The following MBNL1 variants were observed in gnomAD, a reference collection of about 807,000 sequenced individuals.
MBNL1 encodes the protein muscleblind-like protein 1.
A neutral mutation model predicts 42.2 loss-of-function variants in MBNL1; 8 were observed. That is an observed-to-expected ratio of 0.19 (90% confidence interval 0.11 to 0.34). The LOEUF is 0.34. MBNL1 is among the 10% of genes least tolerant of loss of function. The pLI, the probability that MBNL1 is intolerant of heterozygous loss-of-function variation, is 1.00. For missense variants in MBNL1, 309 were observed against 495.3 expected, an observed-to-expected ratio of 0.62 and a Z score of 3.57; for synonymous variants, 169 against 173.9, an observed-to-expected ratio of 0.97 and a Z score of 0.22.
At chr3:152,443,174 G>A (rs2099166015) in intron 4 of MBNL1, among the ~76,000 whole-genome samples, 1 of 44,290 alleles carries the variant, frequency 2.3e-5, no homozygotes, top group Non-Finnish European at 4.4e-5. Flanking sequence ...TCCTTAACCT[G>A]TAGAAACCCC....
rs114003136 is a variant in MBNL1 at position 152,253,836 on chromosome 3, T to C, written n.333+9396T>C. On this transcript the variant is annotated intron_variant and non_coding_transcript_variant, in intron 2 of 2. Coordinates refer to the MBNL1 transcript ENST00000477171. ...TTCCCGTGGTCCACTACATATTTAATTGTAGTATTCCCAACCCCATCACTC... is the reference window on the plus strand; with the variant it reads ...TTCCCGTGGTCCACTACATATTTAACTGTAGTATTCCCAACCCCATCACTC... Among the ~76,000 whole-genome samples, 974 of 152,260 alleles carry C rather than the reference T, an allele frequency of 6.4e-3. 8 individuals are homozygous for C. The highest frequency in any genetic ancestry group is 0.023 in the African/African-American group (944 of 41,546).
intron 2 of MBNL1, among the ~76,000 whole-genome samples, chr3:152,318,663 A>C (rs1399573801): frequency 6.6e-6 from 1 of 152,198 alleles, no homozygotes; most frequent in African/African-American, 2.4e-5. Flanking sequence ...GTTCACCCAG[A>C]GACATAGTGC....
intron 2 of MBNL1, among the ~76,000 whole-genome samples, chr3:152,389,218 A>G (rs530787280): frequency 6.6e-6 from 1 of 152,204 alleles, no homozygotes; most frequent in African/African-American, 2.4e-5. Flanking sequence ...CCTCCAGAGT[A>G]GCTGGGACTA....
intron 2 of MBNL1, among the ~76,000 whole-genome samples, chr3:152,306,653 T>C (rs1022121118): frequency 1.3e-5 from 2 of 152,198 alleles, no homozygotes; most frequent in African/African-American, 4.8e-5. Flanking sequence ...TAAAAAACTG[T>C]TGCCTTGATT....
At chr3:152,290,571 G>A (rs2055334414) in intron 1 of MBNL1, among the ~76,000 whole-genome samples, 2 of 151,964 alleles carry the variant, frequency 1.3e-5, no homozygotes, top group Non-Finnish European at 2.9e-5. Context: ...TTTGTGTTGT[G>A]CAATAATGTC....
At chr3:152,426,200 G>C (rs539791741) in intron 3 of MBNL1, among the ~76,000 whole-genome samples, 1 of 148,436 alleles carries the variant, frequency 6.7e-6, no homozygotes, top group South Asian at 2.1e-4. Flanking sequence ...CCTCCTGGGG[G>C]TTGTGGGGCA....
chr3:152,382,042 C>G (rs2097198777), intron 2 of MBNL1, among the ~76,000 whole-genome samples: 2 of 151,940 alleles, frequency 1.3e-5, no homozygotes, highest in African/African-American at 4.8e-5. Context: ...ACTAAGTAGG[C>G]GTAACATACT....
intron 1 of MBNL1, among the ~76,000 whole-genome samples, chr3:152,277,219 T>A (rs1466857073): frequency 6.6e-6 from 1 of 152,180 alleles, no homozygotes. Flanking sequence ...TGGATGGTGA[T>A]CTAAAGGTCA....
chr3:152,317,711 T>C (rs1035133364), intron 2 of MBNL1, among the ~76,000 whole-genome samples: 6 of 152,204 alleles, frequency 3.9e-5, no homozygotes, highest in Admixed American at 2.6e-4. Flanking sequence ...TAACTGATTC[T>C]TATTTATAAA....
intron 2 of MBNL1, among the ~76,000 whole-genome samples, chr3:152,349,507 T>C (rs973042329): frequency 6.6e-6 from 1 of 152,160 alleles, no homozygotes; most frequent in Non-Finnish European, 1.5e-5. Context: ...GAAATGCTAG[T>C]GTATAATTTT....
intron 2 of MBNL1, chr3:152,337,949 GC>G (rs1451154772): frequency 4.0e-6 from 1 of 251,244 alleles, no homozygotes; most frequent in Admixed American, 6.6e-5. Context: ...CAATAATGTT[GC>G]CTTTTAATTT....
chr3:152,284,064 C>T (rs902817849), intron 1 of MBNL1, among the ~76,000 whole-genome samples: 39 of 152,034 alleles, frequency 2.6e-4, no homozygotes, highest in African/African-American at 9.4e-4. Context: ...AGTATTCTCG[C>T]TATATCTAGG....
rs1055574911 is a variant in MBNL1 at position 152,332,059 on chromosome 3, C to T, written c.174+31692C>T. Among the ~76,000 whole-genome samples the T allele has an allele frequency of 2.0e-5, 3 of 152,092 alleles. No homozygotes were observed. The East Asian group carries it at 5.8e-4, about 29-fold the overall frequency. ...ACTTTAATGCAGCTGATTGCATTGCCATTGACATCAGTGAGAAATAAAAAC... is the reference window on the plus strand; with the variant it reads ...ACTTTAATGCAGCTGATTGCATTGCTATTGACATCAGTGAGAAATAAAAAC... On this transcript the variant is annotated intron_variant, in intron 2 of 9. Coordinates refer to ENST00000324210, the MANE Select transcript of MBNL1 (RefSeq NM_021038.5).
intron 2 of MBNL1, among the ~76,000 whole-genome samples, chr3:152,327,556 C>T (rs1244343529): frequency 1.3e-5 from 2 of 152,048 alleles, no homozygotes; most frequent in African/African-American, 4.8e-5. Context: ...CCCATGTTGG[C>T]CAGGCTGGTC....
intron 2 of MBNL1, among the ~76,000 whole-genome samples, chr3:152,258,388 C>T (rs1267754766): frequency 6.6e-6 from 1 of 152,186 alleles, no homozygotes; most frequent in African/African-American, 2.4e-5. Context: ...TGCCTAATAA[C>T]AGATTCTAAA....
At chr3:152,300,786 G>T (rs2060416590) in intron 2 of MBNL1, 1 of 210,852 alleles carries the variant, frequency 4.7e-6, no homozygotes, top group African/African-American at 2.4e-5. Flanking sequence ...AAGAGAAGCA[G>T]ATTTAAAATC....
chr3:152,374,145 A>G (rs1003138060), intron 2 of MBNL1, among the ~76,000 whole-genome samples: 7 of 152,254 alleles, frequency 4.6e-5, no homozygotes, highest in Non-Finnish European at 1.0e-4. Flanking sequence ...AAGAAATAGA[A>G]TAGGGAAATA....
At chr3:152,435,403 C>CT (rs975876437) in intron 4 of MBNL1, among the ~76,000 whole-genome samples, 1 of 152,070 alleles carries the variant, frequency 6.6e-6, no homozygotes, top group African/African-American at 2.4e-5. Flanking sequence ...GTCTGTGTGT[C>CT]TTTTTTTGCA....
chr3:152,443,084 T>G (rs185214779), intron 4 of MBNL1, among the ~76,000 whole-genome samples: 1 of 152,144 alleles, frequency 6.6e-6, no homozygotes, highest in African/African-American at 2.4e-5. Flanking sequence ...TTCTTAGTTA[T>G]TAAGTCTGCT....
Sources: gnomAD v4.1 joint callset for allele counts (sites outside exome capture counted in the v4.1 genomes callset) on GRCh38, gnomAD v4.1.1 for gene constraint, MANE v1.5 for transcripts, NCBI Gene and HGNC (gene_info 2026-07-23, HGNC 2026-07-21) for gene names.